TENM2: variants seen among roughly 807,000 people sequenced by gnomAD.
TENM2 encodes the protein teneurin transmembrane protein 2, also known as teneurin-2.
TENM2 carries 52 observed loss-of-function variants against 245.2 expected under a neutral mutation model. The ratio of observed to expected loss-of-function variants is 0.21; its 90% confidence interval spans 0.17 to 0.27. The LOEUF (loss-of-function observed/expected upper bound fraction) is 0.27, where lower values mean the gene tolerates loss of function less well. Ranked by LOEUF, TENM2 falls within the 10% of genes least tolerant of loss-of-function variation. The probability of loss-of-function intolerance (pLI) is 1.00; values close to 1 mark genes in which losing one functional copy is unlikely to be tolerated. For synonymous variants in TENM2, 1,363 were observed against 1,438.9 expected (o/e 0.95, Z 1.19); for missense variants, 3,046 against 3,666.8 (o/e 0.83, Z 4.37).
rs369817724 is a variant in TENM2 at position 168,047,316 on chromosome 5, C to T, written c.1187-111C>T. The T allele has an allele frequency of 6.0e-4, 769 of 1,281,440 alleles. 18 individuals carry two copies. In the South Asian group the frequency reaches 9.2e-3, roughly 15 times the overall value. The allele number at this position is 1,281,440 out of a possible 1,614,324, so 79.4% of individuals were successfully genotyped here. ...GTGGCCTGGGGCAAGCCATTTTTGA[C>T]GCAGCTTCCTCAAAAGGCAATCGCT... On this transcript the variant is annotated intron_variant, in intron 5 of 28. Transcript: ENST00000518659.
rs1773411071 is a variant in TENM2 at position 167,876,196 on chromosome 5, G to A, written c.712+1G>A. 3 of 1,549,424 alleles carry A rather than the reference G, an allele frequency of 1.9e-6. No individual in the cohort carries two copies. Among genetic ancestry groups the A allele is most frequent in the African/African-American group, 1.4e-5 (1 of 72,970 alleles). The stretch of plus-strand genomic sequence containing the variant: ...GGGCCCCAGCAAGCCTCCAGCAGTG[G>A]TAAGGAAACTCCGTGGTGTCTGAAT... On this transcript the variant is annotated splice_donor_variant, in intron 3 of 28. Coordinates refer to ENST00000518659, the Ensembl canonical transcript of TENM2. LOFTEE classifies it high-confidence loss of function.
At chr5:167,331,403 T>G (rs1757455249) in intron 1 of TENM2, among the ~76,000 whole-genome samples, 1 of 152,186 alleles carries the variant, frequency 6.6e-6, no homozygotes, top group Non-Finnish European at 1.5e-5. Context: ...TCTTTCAGGA[T>G]AGAAAGATGG....
Position 168,090,781 on chromosome 5 carries a change from G to C in TENM2, c.1711+12G>C. 6.2e-7 allele frequency: 1 copy of C among 1,608,920 alleles called. No homozygotes were observed. The highest frequency in any genetic ancestry group is 8.5e-7 in the Non-Finnish European group (1 of 1,175,692). ...TACTGTTGTCCTAGGTAGGTGTGGG[G>C]TCTCTGAGATGGTACGCCATGAAGG... is the stretch of plus-strand genomic sequence containing the variant. On this transcript the variant is annotated intron_variant, in intron 8 of 28. Transcript: ENST00000518659.
At chr5:167,698,983 C>T (rs1269814031) in intron 2 of TENM2, among the ~76,000 whole-genome samples, 1 of 151,868 alleles carries the variant, frequency 6.6e-6, no homozygotes, top group Non-Finnish European at 1.5e-5. Context: ...TGCCCGGCCC[C>T]ATAAGTACTT....
chr5:167,396,794 T>C (rs1762078912), intron 2 of TENM2, among the ~76,000 whole-genome samples: 1 of 152,084 alleles, frequency 6.6e-6, no homozygotes, highest in African/African-American at 2.4e-5. Context: ...GTGATTGACA[T>C]ACAGAGGGAC....
At chr5:167,418,001 C>A (rs1437779589) in intron 2 of TENM2, among the ~76,000 whole-genome samples, 1 of 152,144 alleles carries the variant, frequency 6.6e-6, no homozygotes, top group Admixed American at 6.5e-5. Context: ...TGTGCTTGTA[C>A]ACGTACATCC....
At chr5:168,165,763 T>C (rs1219128052) in intron 13 of TENM2, 1 of 53,660 alleles carries the variant, frequency 1.9e-5, no homozygotes. Context: ...CGGGAACTGT[T>C]AAAGCAAACC....
intron 1 of TENM2, among the ~76,000 whole-genome samples, chr5:167,358,628 C>A (rs1384208022): frequency 6.6e-6 from 1 of 151,782 alleles, no homozygotes; most frequent in East Asian, 1.9e-4. Flanking sequence ...TTATTCCAAA[C>A]TGGGGATTTT....
At chr5:167,169,851 T>A in the TENM2 span, among the ~76,000 whole-genome samples, 14 of 152,242 alleles carry the variant, frequency 9.2e-5, no homozygotes, top group Non-Finnish European at 1.8e-4. Flanking sequence ...TTTGTAGGAA[T>A]GAGCTTTCTG....
At chr5:167,421,288 A>G (rs907607024) in intron 2 of TENM2, among the ~76,000 whole-genome samples, 5 of 152,172 alleles carry the variant, frequency 3.3e-5, no homozygotes, top group African/African-American at 9.7e-5. Context: ...TTGAATATTA[A>G]TGGTTGTTTT....
the TENM2 span, among the ~76,000 whole-genome samples, chr5:167,130,888 CTTTTTTT>C: frequency 2.3e-4 from 17 of 73,356 alleles, no homozygotes; most frequent in East Asian, 1.9e-3. Flanking sequence ...GTGTTAAATG[CTTTTTTT>C]TTTTTTTTTT....
At chr5:167,301,160 G>A (rs934287923) in intron 1 of TENM2, among the ~76,000 whole-genome samples, 13 of 152,184 alleles carry the variant, frequency 8.5e-5, no homozygotes, top group African/African-American at 2.9e-4. Context: ...GTCTTCAGCC[G>A]CTAAGCCGAG....
intron 13 of TENM2, among the ~76,000 whole-genome samples, chr5:168,174,558 A>G (rs1193244457): frequency 6.6e-6 from 1 of 152,204 alleles, no homozygotes; most frequent in Non-Finnish European, 1.5e-5. Context: ...TAGGTCTGGC[A>G]GGAAGCCCAA....
chr5:167,772,270 A>C (rs1183119842), intron 2 of TENM2, among the ~76,000 whole-genome samples: 1 of 152,194 alleles, frequency 6.6e-6, no homozygotes, highest in Non-Finnish European at 1.5e-5. Flanking sequence ...AATATATCAA[A>C]AATATTATAA....
chr5:167,371,341 T>A (rs554795935), intron 1 of TENM2, among the ~76,000 whole-genome samples: 1,508 of 150,078 alleles, frequency 0.01, 55 homozygotes, highest in Admixed American at 0.074. Flanking sequence ...CCTGTTTTTT[T>A]TTTTTTTCTT....
intron 3 of TENM2, among the ~76,000 whole-genome samples, chr5:167,919,558 C>T (rs1294774507): frequency 6.6e-6 from 1 of 152,164 alleles, no homozygotes; most frequent in East Asian, 1.9e-4. Context: ...GAGAAGAGCT[C>T]AGGTTTCCTT....
At chr5:167,081,725 A>G in the TENM2 span, among the ~76,000 whole-genome samples, 1 of 152,336 alleles carries the variant, frequency 6.6e-6, no homozygotes, top group African/African-American at 2.4e-5. Context: ...AACATTGACC[A>G]GGATGTTACA....
At chr5:168,238,014 G>A (rs868575300) in intron 25 of TENM2, among the ~76,000 whole-genome samples, 13 of 151,204 alleles carry the variant, frequency 8.6e-5, no homozygotes, top group South Asian at 2.1e-4. Context: ...GCATGGTGGC[G>A]GGCGCCTGTA....
chr5:167,356,216 A>AAAAAAAAAAAAAG (rs1412322682), intron 1 of TENM2, among the ~76,000 whole-genome samples: 1 of 134,400 alleles, frequency 7.4e-6, no homozygotes, highest in African/African-American at 3.2e-5. Flanking sequence ...AAAAAAAAAA[A>AAAAAAAAAAAAAG]AAAAATTAAA....
Sources: allele counts gnomAD v4.1 joint callset (sites outside exome capture counted in the v4.1 genomes callset), GRCh38; gene constraint gnomAD v4.1.1; transcripts MANE v1.5; gene names NCBI Gene and HGNC (gene_info 2026-07-23, HGNC 2026-07-21).